Variants in KRT4 observed in about 807,000 individuals in gnomAD.
KRT4 encodes keratin, type II cytoskeletal 4.
In KRT4, 47 loss-of-function variants were observed where a neutral mutation model predicts 50.6. The observed-to-expected ratio is 0.93, with a 90% confidence interval of 0.73 to 1.18. The LOEUF is 1.18. Ranked by LOEUF, KRT4 falls within the 50% of genes most tolerant of loss-of-function variation. The pLI is 0.00. For missense variants in KRT4, 651 were observed against 645.7 expected (o/e 1.01, Z -0.09); for synonymous variants, 254 against 251.2 (o/e 1.01, Z -0.10).
chr12:52,810,717 G>A (rs766683620), intron 3 of KRT4, 39 bp downstream of exon 3: 6 of 1,563,410 alleles, frequency 3.8e-6, no homozygotes, highest in Admixed American at 1.7e-5. Context: ...AAGGGAAGGG[G>A]CACCCTGAAG....
rs777376453 is a variant in KRT4, at chr12:52,807,396, G to A, written c.1347-3C>T. The stretch of plus-strand genomic sequence containing the variant: ...CACTCTGGCATTCTCCAGACATTCT[G>A]TAGGGGAAAGAAAAGGCGGTGAGCC... On this transcript the variant is annotated splice_polypyrimidine_tract_variant and splice_region_variant and intron_variant, in intron 7 of 8. Coordinates refer to ENST00000551956, the MANE Select transcript of KRT4 (RefSeq NM_002272.4). 58 of 1,614,082 alleles carry A rather than the reference G, an allele frequency of 3.6e-5. No individual in the cohort carries two copies. The highest frequency in any genetic ancestry group is 4.5e-5 in the Non-Finnish European group (53 of 1,180,032).
At chr12:52,812,831 G>T (rs1210519179) in intron 1 of KRT4, among the ~76,000 whole-genome samples, 1 of 152,156 alleles carries the variant, frequency 6.6e-6, no homozygotes, top group African/African-American at 2.4e-5. Flanking sequence ...GTTCATTCTT[G>T]CCCCATATGT....
intron 1 of KRT4, among the ~76,000 whole-genome samples, chr12:52,813,396 G>T (rs1027218147): frequency 3.3e-5 from 5 of 152,132 alleles, no homozygotes; most frequent in Non-Finnish European, 7.3e-5. Flanking sequence ...ACACTTAACT[G>T]CCTTGAGCAT....
At chr12:52,811,527 C>A (rs149669582) in intron 2 of KRT4, 1 of 540,840 alleles carries the variant, frequency 1.8e-6, no homozygotes. Context: ...TGATCTTGTT[C>A]GTATATGGCA....
In KRT4 at chr12:52,807,028, G is replaced by A. The variant is rs369479952; in HGVS notation, c.*41C>T. 6.0e-5 allele frequency: 96 copies of A among 1,599,482 alleles called. No individual in the cohort carries two copies. The African/African-American group carries it at 1.1e-3, about 18-fold the overall frequency. ...AGGAAGCACAGAGACACCAGTGCTG[G>A]GCCCAGCTGGACACAGTGAGCTGCA... On this transcript the variant is annotated 3_prime_UTR_variant, in exon 9 of 9. Transcript: ENST00000551956.
intron 4 of KRT4, 41 bp from the exon 5 acceptor site, chr12:52,808,891 C>T: frequency 1.2e-6 from 2 of 1,607,122 alleles, no homozygotes; most frequent in Non-Finnish European, 1.7e-6. Flanking sequence ...CCAGGAAAGC[C>T]TTCACTGACC....
At chr12:52,807,601 G>T (rs1268448688) in intron 7 of KRT4, 43 bp downstream of exon 7, 2 of 1,599,048 alleles carry the variant, frequency 1.3e-6, no homozygotes, top group Non-Finnish European at 1.7e-6. Context: ...CATGGCCCTG[G>T]ACCTCTCTGG....
intron 4 of KRT4, 164 bp from the exon 5 acceptor site, chr12:52,809,014 C>G (rs1683142609): frequency 5.2e-6 from 4 of 768,186 alleles, no homozygotes; most frequent in East Asian, 2.8e-5. Context: ...GATGGAAGAG[C>G]AATGCTTCTA....
In KRT4 at chr12:52,813,886, T is replaced by C. The variant is rs926500542; in HGVS notation, c.173A>G (p.Asn58Ser). The change falls in exon 1 of 9, where the codon AAC becomes AGC. Residue 58 changes from asparagine (N) to serine (S), a missense_variant. Asn to Ser is a conservative substitution (Grantham distance 46). Transcript: ENST00000551956. ...GSRSLYNLRG[N>S]KSISMSVAGS... The stretch of plus-strand genomic sequence containing the variant: ...AGCCACACTCATGGAGATGCTTTTG[T>C]TCCCCCTGAGGTTGTAGAGGCTTCT... 4.5e-6 allele frequency: 5 copies of C among 1,108,382 alleles called. No homozygotes were observed. The highest frequency in any genetic ancestry group is 5.5e-6 in the Non-Finnish European group (5 of 906,618). The allele number at this position is 1,108,382 out of a possible 1,614,324, so 68.7% of individuals were successfully genotyped here.
Position 52,809,707 on chromosome 12 carries a change from G to T in KRT4, c.739-229C>A, listed in dbSNP as rs543525099. On this transcript the variant is annotated intron_variant, in intron 3 of 8. Transcript: ENST00000551956. ...TCTAACAGTATGGAGATCTCTCAAA[G>T]AACTAAAAATAGAACTACCATTGGA... 7.2e-5 allele frequency among the ~76,000 whole-genome samples: 11 copies of T among 152,266 alleles called. No individual in the cohort carries two copies. The East Asian group carries it at 2.1e-3, about 29-fold the overall frequency.
chr12:52,808,578 G>C, intron 5 of KRT4, 108 bp downstream of exon 5: 1 of 1,486,906 alleles, frequency 6.7e-7, no homozygotes. Flanking sequence ...GGGAGAGTCT[G>C]TTCATATCTG....
intron 3 of KRT4, among the ~76,000 whole-genome samples, chr12:52,810,462 G>C (rs547093872): frequency 6.6e-6 from 1 of 152,058 alleles, no homozygotes; most frequent in Non-Finnish European, 1.5e-5. Flanking sequence ...CAGGAGAATC[G>C]CTTGAACCCA....
intron 6 of KRT4, 39 bp downstream of exon 6, chr12:52,808,255 C>G: frequency 6.2e-7 from 1 of 1,612,856 alleles, no homozygotes; most frequent in Non-Finnish European, 8.5e-7. Context: ...GCCTGAGGCC[C>G]CTGGCCTTGT....
chr12:52,807,671 C>T lies in KRT4; in HGVS notation c.1319G>A (p.Arg440His), dbSNP rs748688818. 25 of 1,613,916 alleles carry T rather than the reference C, an allele frequency of 1.5e-5. No individual in the cohort carries two copies. Among genetic ancestry groups the T allele is most frequent in the Non-Finnish European group, 2.0e-5 (24 of 1,180,028 alleles). Reference sequence around the variant, plus strand: ...GTACTCCTCGCCCTCCAGCAGTTTGCGGTAGGTGGCGATCTCGATGTCCAA... The same window carrying T: ...GTACTCCTCGCCCTCCAGCAGTTTGTGGTAGGTGGCGATCTCGATGTCCAA... Reference protein sequence around the residue: ...LALDIEIATYRKLLEGEEYRM... With the variant: ...LALDIEIATYHKLLEGEEYRM... The change falls in exon 7 of 9, where the codon CGC (arginine) becomes CAC (histidine). Residue 440 changes from arginine (R) to histidine (H), a missense_variant. Transcript: ENST00000551956.
chr12:52,807,604 C>T lies in KRT4; in HGVS notation c.1346+40G>A. The T allele has an allele frequency of 2.5e-6, 4 of 1,602,128 alleles. No homozygotes were observed. In the East Asian group the frequency reaches 6.7e-5, roughly 27 times the overall value. The stretch of plus-strand genomic sequence containing the variant: ...CATAAATAAGCTCATGGCCCTGGAC[C>T]TCTCTGGCCCTCATGTTCACACCCT... On this transcript the variant is annotated intron_variant, in intron 7 of 8. Transcript: ENST00000551956.
At position 52,808,703 on chromosome 12, in the gene KRT4, C is replaced by T. The variant is rs755685889; in HGVS notation, c.982G>A (p.Ala328Thr). ...IAQRSKAEAE[A>T]LYQTKVQQLQ... ...CCACCCACCTTGGTCTGGTACAGGG[C>T]TTCAGCCTCAGCCTTGCTCCTCTGG... is the stretch of plus-strand genomic sequence containing the variant. The change falls in exon 5 of 9, where the codon GCC becomes ACC. Residue 328 changes from alanine (A) to threonine (T), a missense_variant. Coordinates refer to ENST00000551956, the MANE Select transcript of KRT4 (RefSeq NM_002272.4). 16 of 1,614,222 alleles carry T rather than the reference C, an allele frequency of 9.9e-6. No individual in the cohort carries two copies. Among genetic ancestry groups the T allele is most frequent in the Admixed American group, 3.3e-5 (2 of 60,028 alleles).
At chr12:52,808,643 C>A (rs567783487) in intron 5 of KRT4, 43 bp downstream of exon 5, 180 of 1,607,438 alleles carry the variant, frequency 1.1e-4, no homozygotes, top group Non-Finnish European at 1.5e-4. Flanking sequence ...AAAAGCAGAG[C>A]CCCAGAGCCA....
At position 52,807,697 on chromosome 12, in the gene KRT4, G is replaced by A. The variant is rs773863803; in HGVS notation, c.1293C>T (p.Ala431=). 1 of 1,614,110 alleles carries A rather than the reference G, an allele frequency of 6.2e-7. No individual in the cohort carries two copies. The highest frequency in any genetic ancestry group is 1.7e-5 in the Admixed American group (1 of 60,014). ...GGTAGGTGGCGATCTCGATGTCCAA[G>A]GCCAGCTTCACACTCATGAGCTCCT... ...EYQELMSVKL[A]LDIEIATYRK... Residue 431 remains alanine, a synonymous_variant, in exon 7 of 9, where the codon GCC becomes GCT. Transcript: ENST00000551956.
chr12:52,814,102 C>T lies in KRT4; in HGVS notation c.-44G>A, dbSNP rs1939966414. ...GGGAGCTATCAGAGAAGTGACAGGG[C>T]CCAGGCCGGTGAGTGCTGGAGCCCT... On this transcript the variant is annotated 5_prime_UTR_variant, in exon 1 of 9. Transcript: ENST00000551956. 1.9e-6 allele frequency: 3 copies of T among 1,614,006 alleles called. No individual in the cohort carries two copies. The highest frequency in any genetic ancestry group is 2.5e-6 in the Non-Finnish European group (3 of 1,179,988).
Sources: allele counts gnomAD v4.1 joint callset (sites outside exome capture counted in the v4.1 genomes callset), GRCh38; gene constraint gnomAD v4.1.1; transcripts MANE v1.5; gene names NCBI Gene and HGNC (gene_info 2026-07-23, HGNC 2026-07-21).